BIN1: variants seen among roughly 807,000 people sequenced by gnomAD.
The protein encoded by BIN1 is myc box-dependent-interacting protein 1.
BIN1 carries 53 observed loss-of-function variants against 82.0 expected under a neutral mutation model. The observed-to-expected ratio is 0.65, with a 90% CI of 0.52 to 0.81. The LOEUF is 0.81. BIN1 is among the 40% of genes least tolerant of loss of function. The probability of loss-of-function intolerance (pLI) is 0.00; values close to 1 mark genes in which losing one functional copy is unlikely to be tolerated. For missense variants in BIN1, 642 were observed against 784.4 expected, an observed-to-expected ratio of 0.82 and a Z score of 2.17; for synonymous variants, 302 against 328.0, an observed-to-expected ratio of 0.92 and a Z score of 0.86.
chr2:127,053,501 C>A, intron 13 of BIN1, 56 bp from the exon 14 acceptor site: 1 of 1,602,678 alleles, frequency 6.2e-7, no homozygotes, highest in Non-Finnish European at 8.5e-7. Context: ...AGAGACAGGG[C>A]GGCAAGCAGT....
chr2:127,094,875 G>A (rs1351658833), intron 1 of BIN1, among the ~76,000 whole-genome samples: 5 of 152,156 alleles, frequency 3.3e-5, no homozygotes, highest in East Asian at 1.9e-4. Flanking sequence ...GTGCTGCCCC[G>A]AATGCCCTCA....
rs572482420 is a variant in BIN1 at position 127,104,143 on chromosome 2, T to TGA, written c.84+2715_84+2716dup. 7.2e-5 allele frequency among the ~76,000 whole-genome samples: 11 copies of TGA among 152,134 alleles called. No individual in the cohort carries two copies. The South Asian group carries it at 2.3e-3, about 32-fold the overall frequency. Reference sequence around the variant, plus strand: ...GTCCAGGCAGGATTTGATGAATGAGTGATGGCAGAGAACAAACAACACAAA... The same window carrying TGA: ...GTCCAGGCAGGATTTGATGAATGAGTGAGATGGCAGAGAACAAACAACACAAA... On this transcript the variant is annotated intron_variant, in intron 1 of 18. Transcript: ENST00000316724.
chr2:127,088,871 G>C (rs1678539993), intron 1 of BIN1, among the ~76,000 whole-genome samples: 1 of 152,130 alleles, frequency 6.6e-6, no homozygotes, highest in South Asian at 2.1e-4. Flanking sequence ...AGGCCAGGAA[G>C]GAAGAAGAAG....
rs776178572 is a variant in BIN1 at position 127,051,207 on chromosome 2, G to C, written c.1408C>G (p.Pro470Ala). The C allele has an allele frequency of 3.1e-6, 5 of 1,613,568 alleles. No homozygotes were observed. Among genetic ancestry groups the C allele is most frequent in the Non-Finnish European group, 4.2e-6 (5 of 1,179,954 alleles). ...EASEVAGGTQ[P>A]AAGAQEPGET... ...CCTGGCTCCTGGGCTCCAGCCGCAG[G>C]TTGGGTCCCACCCGCCACCTCCGAG... Residue 470 changes from proline to alanine, a missense_variant, in exon 16 of 19, where the codon CCT (proline) becomes GCT (alanine). Physicochemically the swap from Pro to Ala is conservative, Grantham distance 27. Coordinates refer to ENST00000316724, the MANE Select transcript of BIN1 (RefSeq NM_139343.3).
intron 10 of BIN1, among the ~76,000 whole-genome samples, chr2:127,060,961 C>G (rs952245095): frequency 1.3e-5 from 2 of 152,182 alleles, no homozygotes; most frequent in African/African-American, 4.8e-5. Context: ...AGAAAAGGCC[C>G]CCAGGCGAGC....
At chr2:127,075,645 C>T (rs1377151159) in intron 2 of BIN1, among the ~76,000 whole-genome samples, 3 of 152,332 alleles carry the variant, frequency 2.0e-5, no homozygotes, top group African/African-American at 4.8e-5. Flanking sequence ...GGGCCTCTCC[C>T]CTCTGCTCCC....
intron 10 of BIN1, chr2:127,060,664 A>T (rs1684327946): frequency 6.2e-7 from 1 of 1,613,834 alleles, no homozygotes; most frequent in Non-Finnish European, 8.5e-7. Context: ...CGGGAGGTGG[A>T]GGCCTTCATT....
At chr2:127,096,932 C>A (rs191451832) in intron 1 of BIN1, among the ~76,000 whole-genome samples, 251 of 152,330 alleles carry the variant, frequency 1.6e-3, no homozygotes, top group African/African-American at 5.6e-3. Flanking sequence ...CTGGCACCCA[C>A]TCCTGCCAGC....
Position 127,050,816 on chromosome 2 carries a change from C to T in BIN1, c.1558G>A (p.Gly520Ser). 6.2e-7 allele frequency: 1 copy of T among 1,613,626 alleles called. No individual in the cohort carries two copies. The highest frequency in any genetic ancestry group is 8.5e-7 in the Non-Finnish European group (1 of 1,180,024). ...TGTGGGCTCACCTTGAACATGAAAC[C>T]TGGGGGCAGGTCCAAGCGCCCGGCC... ...SGAGRLDLPPGFMFKVQAQHD... is the reference protein window; with the variant it reads ...SGAGRLDLPPSFMFKVQAQHD... The change falls in exon 17 of 19, where the codon GGT becomes AGT. Residue 520 changes from glycine (G) to serine (S), a missense_variant. Coordinates refer to ENST00000316724, the MANE Select transcript of BIN1 (RefSeq NM_139343.3).
chr2:127,082,145 C>T lies in BIN1; in HGVS notation c.85-5439G>A, dbSNP rs143788306. Among the ~76,000 whole-genome samples, 370 of 152,230 alleles carry T rather than the reference C, an allele frequency of 2.4e-3. 3 individuals are homozygous for T. The highest frequency in any genetic ancestry group is 8.7e-3 in the African/African-American group (362 of 41,556). Reference sequence around the variant, plus strand: ...AACAGGACAAAGGCGAGCCTTCTCCCCACCCCCGCCCCCCACCTCTGGGTC... The same window carrying T: ...AACAGGACAAAGGCGAGCCTTCTCCTCACCCCCGCCCCCCACCTCTGGGTC... On this transcript the variant is annotated intron_variant, in intron 1 of 18. Coordinates refer to ENST00000316724, the MANE Select transcript of BIN1 (RefSeq NM_139343.3). The surrounding 1 kb of genome is among the most constrained non-coding windows in gnomAD (Gnocchi z 6.1).
chr2:127,084,686 C>A (rs1231301894), intron 1 of BIN1, among the ~76,000 whole-genome samples: 2 of 152,234 alleles, frequency 1.3e-5, no homozygotes, highest in African/African-American at 2.4e-5. Flanking sequence ...AGCGAAGAAG[C>A]GACCGAGCTC....
intron 15 of BIN1, 21 bp from the exon 16 acceptor site, chr2:127,051,264 TG>T: frequency 6.2e-7 from 1 of 1,612,608 alleles, no homozygotes; most frequent in Non-Finnish European, 8.5e-7. Context: ...AATGCCGGCT[TG>T]GGGTCAGACA....
At position 127,057,173 on chromosome 2, in the gene BIN1, G is replaced by A. The variant is rs1007821294; in HGVS notation, c.1131+300C>T. Among the ~76,000 whole-genome samples, 1 of 152,226 alleles carries A rather than the reference G, an allele frequency of 6.6e-6. No individual in the cohort carries two copies. The highest frequency in any genetic ancestry group is 2.4e-5 in the African/African-American group (1 of 41,458). On this transcript the variant is annotated intron_variant, in intron 12 of 18. Coordinates refer to ENST00000316724, the MANE Select transcript of BIN1 (RefSeq NM_139343.3). This position sits in a 1 kb window ranked among gnomAD's most constrained non-coding sequence, Gnocchi z 5.0. Reference sequence around the variant, plus strand: ...CAGCCACACGTCCTCCACACTCCCCGATCCCCTCTGCCATAGCACCCACTG... The same window carrying A: ...CAGCCACACGTCCTCCACACTCCCCAATCCCCTCTGCCATAGCACCCACTG...
rs1683924801 is a variant in BIN1 at position 127,057,963 on chromosome 2, A to G, written c.1003-362T>C. ...TGGCTCCCACTGGCCTGGTGAGAAG[A>G]CTGGGGAAGCAAACAGTCGTTGAGA... is the stretch of plus-strand genomic sequence containing the variant. On this transcript the variant is annotated intron_variant, in intron 11 of 18. Transcript: ENST00000316724. The surrounding 1 kb of genome is among the most constrained non-coding windows in gnomAD (Gnocchi z 5.0). Among the ~76,000 whole-genome samples the G allele has an allele frequency of 6.6e-6, 1 of 152,088 alleles. No individual in the cohort carries two copies. Among genetic ancestry groups the G allele is most frequent in the South Asian group, 2.1e-4 (1 of 4,820 alleles).
At position 127,057,790 on chromosome 2, in the gene BIN1, C is replaced by T. The variant is rs1192389844; in HGVS notation, c.1003-189G>A. Among the ~76,000 whole-genome samples the T allele has an allele frequency of 6.7e-6, 1 of 149,630 alleles. No homozygotes were observed. Among genetic ancestry groups the T allele is most frequent in the Non-Finnish European group, 1.5e-5 (1 of 67,266 alleles). On this transcript the variant is annotated intron_variant, in intron 11 of 18. Transcript: ENST00000316724. The surrounding 1 kb of genome is among the most constrained non-coding windows in gnomAD (Gnocchi z 5.0). ...GCCCCCCAACATAGACACCAAGACCCCAGGCCACCCCCGAGAGGGACACTG... is the reference window on the plus strand; with the variant it reads ...GCCCCCCAACATAGACACCAAGACCTCAGGCCACCCCCGAGAGGGACACTG...
At chr2:127,077,358 C>T (rs1686748295) in intron 1 of BIN1, among the ~76,000 whole-genome samples, 1 of 152,200 alleles carries the variant, frequency 6.6e-6, no homozygotes, top group Non-Finnish European at 1.5e-5. Flanking sequence ...AGGGCACACA[C>T]ATGAGCTCAC....
chr2:127,105,464 A>C, intron 1 of BIN1, among the ~76,000 whole-genome samples: 1 of 109,132 alleles, frequency 9.2e-6, no homozygotes, highest in African/African-American at 3.8e-5. Context: ...CTGGGGCTTT[A>C]ATCCCTCCTC....
intron 9 of BIN1, 24 bp from the exon 10 acceptor site, chr2:127,062,221 T>TG (rs778342815): frequency 6.3e-7 from 1 of 1,580,188 alleles, no homozygotes; most frequent in South Asian, 1.1e-5. Flanking sequence ...AGTGAGGAGG[T>TG]GGGGGGCCTC....
chr2:127,107,005 C>T lies in BIN1; in HGVS notation c.-62G>A, dbSNP rs886054836. 1.1e-5 allele frequency: 16 copies of T among 1,520,750 alleles called. No homozygotes were observed. The highest frequency in any genetic ancestry group is 1.3e-5 in the Non-Finnish European group (15 of 1,135,618). 94.2% of individuals were successfully genotyped at this position (1,520,750 alleles called of 1,614,324 possible). Reference sequence around the variant, plus strand: ...TCGCGCGGGGAGATCTTGCGCGCCGCGCTCCCAGCCCCCAGCCCCGGCCGC... The same window carrying T: ...TCGCGCGGGGAGATCTTGCGCGCCGTGCTCCCAGCCCCCAGCCCCGGCCGC... On this transcript the variant is annotated 5_prime_UTR_variant, in exon 1 of 19. Coordinates refer to ENST00000316724, the MANE Select transcript of BIN1 (RefSeq NM_139343.3). This position sits in a 1 kb window ranked among gnomAD's most constrained non-coding sequence, Gnocchi z 5.9.
Sources: allele counts gnomAD v4.1 joint callset (sites outside exome capture counted in the v4.1 genomes callset), GRCh38; gene constraint gnomAD v4.1.1; non-coding constraint Gnocchi (gnomAD v3.1); transcripts MANE v1.5; gene names NCBI Gene and HGNC (gene_info 2026-07-23, HGNC 2026-07-21).